SGMS1: variants seen among roughly 807,000 people sequenced by gnomAD.
The protein encoded by SGMS1 is sphingomyelin synthase 1.
A neutral mutation model predicts 46.2 loss-of-function variants in SGMS1; 13 were observed. That is an observed-to-expected ratio of 0.28 (90% CI 0.18 to 0.45). The LOEUF (loss-of-function observed/expected upper bound fraction) is 0.45, where lower values mean the gene tolerates loss of function less well. Among genes scored for constraint, SGMS1 ranks in the 20% least tolerant of loss-of-function variants. SGMS1 has a pLI of 1.00. For missense variants in SGMS1, 324 were observed against 519.9 expected (o/e 0.62, Z 3.66); for synonymous variants, 203 against 187.8 (o/e 1.08, Z -0.66).
At chr10:50,504,789 T>C (rs1837693094) in intron 3 of SGMS1, among the ~76,000 whole-genome samples, 1 of 152,234 alleles carries the variant, frequency 6.6e-6, no homozygotes, top group Admixed American at 6.5e-5. Flanking sequence ...CCTTTCTGGC[T>C]ATACAGAGAC....
intron 1 of SGMS1, among the ~76,000 whole-genome samples, chr10:50,620,074 C>G (rs1035162519): frequency 6.6e-6 from 1 of 152,238 alleles, no homozygotes; most frequent in Admixed American, 6.5e-5. Flanking sequence ...CAGCACCATT[C>G]AATGCAGCTT....
intron 6 of SGMS1, among the ~76,000 whole-genome samples, chr10:50,424,138 G>C (rs1019305921): frequency 6.6e-6 from 1 of 152,150 alleles, no homozygotes; most frequent in African/African-American, 2.4e-5. Flanking sequence ...CTAATACAAA[G>C]AGCAGCTAGA....
intron 6 of SGMS1, among the ~76,000 whole-genome samples, chr10:50,417,820 A>G (rs1472332002): frequency 1.3e-5 from 2 of 152,198 alleles, no homozygotes; most frequent in African/African-American, 4.8e-5. Context: ...GCATCACGCA[A>G]TATAAAGAGC....
Position 50,587,244 on chromosome 10 carries a change from T to C in SGMS1, c.-589+2909A>G, listed in dbSNP as rs555038673. The stretch of plus-strand genomic sequence containing the variant: ...CACATTGGAAAATTTTTTTGGAGAT[T>C]TGCAACACTTTGAAAAAGCTCACAG... On this transcript the variant is annotated intron_variant, in intron 2 of 10. Transcript: ENST00000361781. Among the ~76,000 whole-genome samples, 22 of 152,234 alleles carry C rather than the reference T, an allele frequency of 1.4e-4. 2 individuals are homozygous for C. The East Asian group carries it at 2.9e-3, about 20-fold the overall frequency.
intron 1 of SGMS1, among the ~76,000 whole-genome samples, chr10:50,619,022 A>G (rs1253909562): frequency 6.6e-6 from 1 of 152,138 alleles, no homozygotes; most frequent in Non-Finnish European, 1.5e-5. Context: ...AGACCCAGCT[A>G]CTCAGGAGGC....
intron 2 of SGMS1, among the ~76,000 whole-genome samples, chr10:50,582,470 A>T (rs1838443853): frequency 6.6e-6 from 1 of 152,216 alleles, no homozygotes; most frequent in Non-Finnish European, 1.5e-5. Context: ...AACCTCTCAG[A>T]GTCAGCAATT....
At position 50,495,079 on chromosome 10, in the gene SGMS1, A is replaced by C. The variant is rs202130916; in HGVS notation, c.-498+24752T>G. On this transcript the variant is annotated intron_variant, in intron 3 of 10. Transcript: ENST00000361781. ...AAAAAAAATACAAAAAATACAAAAA[A>C]AAAAAAAAATTAGCCGGACGTGCTT... 6.2e-3 allele frequency among the ~76,000 whole-genome samples: 926 copies of C among 148,298 alleles called. 27 individuals are homozygous for C. The highest frequency in any genetic ancestry group is 0.041 in the East Asian group (207 of 5,066).
At chr10:50,536,699 C>T (rs1290393911) in intron 2 of SGMS1, among the ~76,000 whole-genome samples, 1 of 152,162 alleles carries the variant, frequency 6.6e-6, no homozygotes, top group African/African-American at 2.4e-5. Flanking sequence ...TTATTGAAAT[C>T]TTAATCTGTT....
At chr10:50,618,385 T>C (rs1838817799) in intron 1 of SGMS1, among the ~76,000 whole-genome samples, 2 of 152,180 alleles carry the variant, frequency 1.3e-5, no homozygotes, top group South Asian at 4.1e-4. Flanking sequence ...TTTCTCAAAG[T>C]TACCATTGAC....
intron 9 of SGMS1, among the ~76,000 whole-genome samples, chr10:50,309,508 C>T (rs1847224693): frequency 6.6e-6 from 1 of 152,126 alleles, no homozygotes; most frequent in Admixed American, 6.5e-5. Context: ...AGCCTTGACC[C>T]CGTTAAAGAA....
chr10:50,607,643 T>G (rs1159991685), intron 1 of SGMS1, among the ~76,000 whole-genome samples: 2 of 152,092 alleles, frequency 1.3e-5, no homozygotes, highest in African/African-American at 4.8e-5. Flanking sequence ...AGCAAGTGAG[T>G]ACAAAAATAT....
In SGMS1 at chr10:50,590,875, G is replaced by A. The variant is rs557973270; in HGVS notation, c.-683-628C>T. On this transcript the variant is annotated intron_variant, in intron 1 of 10. Transcript: ENST00000361781. Reference sequence around the variant, plus strand: ...CGAATCACAGCAATTTCAGGGCAGTGATGTAGCCCAAACATCCACTCTAAC... The same window carrying A: ...CGAATCACAGCAATTTCAGGGCAGTAATGTAGCCCAAACATCCACTCTAAC... Among the ~76,000 whole-genome samples, 35 of 152,292 alleles carry A rather than the reference G, an allele frequency of 2.3e-4. 1 individual carries two copies. Among genetic ancestry groups the A allele is most frequent in the Middle Eastern group, 6.8e-3 (2 of 294 alleles).
At chr10:50,533,326 G>T (rs1377721480) in intron 2 of SGMS1, among the ~76,000 whole-genome samples, 2 of 151,920 alleles carry the variant, frequency 1.3e-5, no homozygotes, top group South Asian at 2.1e-4. Context: ...GGATTAAAGG[G>T]TTTTTTTCCC....
intron 6 of SGMS1, among the ~76,000 whole-genome samples, chr10:50,347,121 C>T (rs1203635025): frequency 6.6e-6 from 1 of 152,204 alleles, no homozygotes; most frequent in African/African-American, 2.4e-5. Flanking sequence ...TTCCCTGTCA[C>T]ACCTTCCTGT....
chr10:50,416,450 CT>C, intron 6 of SGMS1, among the ~76,000 whole-genome samples: 1 of 152,236 alleles, frequency 6.6e-6, no homozygotes, highest in South Asian at 2.1e-4. Flanking sequence ...AAATATTCAG[CT>C]TTTATACAAC....
intron 1 of SGMS1, among the ~76,000 whole-genome samples, chr10:50,610,882 C>T (rs1838743610): frequency 6.6e-6 from 1 of 152,174 alleles, no homozygotes; most frequent in Non-Finnish European, 1.5e-5. Context: ...TCAAAGCTGC[C>T]AGTCTCCACA....
intron 6 of SGMS1, among the ~76,000 whole-genome samples, chr10:50,360,349 A>G (rs1427355839): frequency 6.6e-6 from 1 of 152,220 alleles, no homozygotes; most frequent in African/African-American, 2.4e-5. Flanking sequence ...TTGTTCTATT[A>G]TCTAGATTTC....
chr10:50,347,324 T>C (rs1847931203), intron 6 of SGMS1, among the ~76,000 whole-genome samples: 1 of 152,166 alleles, frequency 6.6e-6, no homozygotes, highest in Non-Finnish European at 1.5e-5. Flanking sequence ...GAAAATACCA[T>C]TGACAATGAA....
At chr10:50,370,130 G>A (rs541252012) in intron 6 of SGMS1, among the ~76,000 whole-genome samples, 31 of 152,300 alleles carry the variant, frequency 2.0e-4, no homozygotes, top group African/African-American at 7.2e-4. Context: ...AGTGAGTAAA[G>A]TGGTGGGTGA....
Sources: allele counts gnomAD v4.1 joint callset (sites outside exome capture counted in the v4.1 genomes callset), GRCh38; gene constraint gnomAD v4.1.1; transcripts MANE v1.5; gene names NCBI Gene and HGNC (gene_info 2026-07-23, HGNC 2026-07-21).